The following BPIFB6 variants were observed in gnomAD, a reference collection of about 807,000 sequenced individuals.
BPIFB6 encodes the protein BPI fold-containing family B member 6.
Under a neutral mutation model 54.7 loss-of-function variants are expected in BPIFB6, and 47 were observed. The ratio of observed to expected loss-of-function variants is 0.86; its 90% CI spans 0.68 to 1.10. The LOEUF (loss-of-function observed/expected upper bound fraction) is 1.10. BPIFB6 is among the 50% of genes least tolerant of loss of function. The pLI is 0.00. For missense variants in BPIFB6, 603 were observed against 564.1 expected, an observed-to-expected ratio of 1.07 and a Z score of -0.70; for synonymous variants, 255 against 225.9, an observed-to-expected ratio of 1.13 and a Z score of -1.16.
rs202181196 is a variant in BPIFB6 at position 33,039,469 on chromosome 20, C to T, written c.1023C>T (p.Phe341=). The change falls in exon 10 of 15, where the codon TTC becomes TTT. Residue 341 remains phenylalanine (F), a synonymous_variant. Coordinates refer to ENST00000349552, the MANE Select transcript of BPIFB6 (RefSeq NM_174897.2). ...LLHLHSTLEM[F]AARWRSKAPM... is the part of the protein sequence containing the mutation. ...ACCTCCACAGCACCCTGGAGATGTT[C>T]GCAGCTCGGTGGCGGAGCAAGGCTC... The T allele has an allele frequency of 4.0e-5, 65 of 1,614,060 alleles. No homozygotes were observed. The East Asian group carries it at 1.1e-3, about 27-fold the overall frequency.
chr20:33,034,141 T>A (rs1170558878), intron 2 of BPIFB6, 45 bp from the exon 3 acceptor site: 2 of 1,438,016 alleles, frequency 1.4e-6, no homozygotes, highest in Non-Finnish European at 2.0e-6. Context: ...GTCCTGGGTC[T>A]TGCCTGCTCA....
intron 13 of BPIFB6, 138 bp downstream of exon 13, chr20:33,043,016 A>G: frequency 1.3e-6 from 1 of 782,852 alleles, no homozygotes; most frequent in South Asian, 1.7e-5. Context: ...TAATTGCTGA[A>G]TCTTTGAAGT....
intron 8 of BPIFB6, 29 bp from the exon 9 acceptor site, chr20:33,038,880 C>T (rs199780913): frequency 1.2e-6 from 2 of 1,612,774 alleles, no homozygotes; most frequent in African/African-American, 1.3e-5. Context: ...AGGACTCCAG[C>T]AACCCTAACC....
chr20:33,042,836 A>G lies in BPIFB6; in HGVS notation c.1210A>G (p.Ile404Val). 6.2e-7 allele frequency: 1 copy of G among 1,614,200 alleles called. No homozygotes were observed. Among genetic ancestry groups the G allele is most frequent in the Non-Finnish European group, 8.5e-7 (1 of 1,180,002 alleles). ...NFNERELTGF[I>V]TSYLEEAYIP... is the part of the protein sequence containing the mutation. ...CCAGGAGAGGGAATTAACTGGCTTC[A>G]TCACCAGCTATCTCGAAGAAGCCTA... Residue 404 changes from isoleucine to valine, a missense_variant, in exon 13 of 15, where the codon ATC becomes GTC. Ile to Val is a conservative substitution (Grantham distance 29, BLOSUM62 3). Transcript: ENST00000349552.
Position 33,037,566 on chromosome 20 carries a change from T to C in BPIFB6, c.674T>C (p.Val225Ala). 6.2e-7 allele frequency: 1 copy of C among 1,610,136 alleles called. No homozygotes were observed. The highest frequency in any genetic ancestry group is 8.5e-7 in the Non-Finnish European group (1 of 1,177,312). ...ASYIQLDFSP[V>A]VQQQKGKTIK... ...CTCCCTCCTGCTGCCCCATAGCCTGTGGTGCAGCAGCAAAAGGGCAAAACC... is the reference window on the plus strand; with the variant it reads ...CTCCCTCCTGCTGCCCCATAGCCTGCGGTGCAGCAGCAAAAGGGCAAAACC... The change falls in exon 8 of 15, where the codon GTG becomes GCG. Residue 225 changes from valine to alanine, a missense_variant. Transcript: ENST00000349552.
intron 14 of BPIFB6, 23 bp downstream of exon 14, chr20:33,043,390 G>A: frequency 6.2e-7 from 1 of 1,605,280 alleles, no homozygotes; most frequent in Non-Finnish European, 8.5e-7. Context: ...GCTAGGGGAG[G>A]TCATGTCAAT....
At chr20:33,036,610 G>A (rs1483836886) in intron 7 of BPIFB6, 74 bp downstream of exon 7, 20 of 1,380,752 alleles carry the variant, frequency 1.4e-5, no homozygotes, top group Non-Finnish European at 2.0e-5. Flanking sequence ...GCTTCTGCCA[G>A]GACAGGTGGC....
Position 33,034,133 on chromosome 20 carries a change from C to T in BPIFB6, c.198-53C>T, listed in dbSNP as rs79189292. ...GTAAAGTGGTGAAGTGGGTGGAGGTCCTGGGTCTTGCCTGCTCAGATCTTA... is the reference window on the plus strand; with the variant it reads ...GTAAAGTGGTGAAGTGGGTGGAGGTTCTGGGTCTTGCCTGCTCAGATCTTA... On this transcript the variant is annotated intron_variant, in intron 2 of 14. Coordinates refer to ENST00000349552, the MANE Select transcript of BPIFB6 (RefSeq NM_174897.2). 7 of 1,331,016 alleles carry T rather than the reference C, an allele frequency of 5.3e-6. 1 individual carries two copies. In the South Asian group the frequency reaches 8.2e-5, roughly 16 times the overall value. The allele number at this position is 1,331,016 out of a possible 1,614,324, so 82.5% of individuals were successfully genotyped here.
intron 11 of BPIFB6, 67 bp from the exon 12 acceptor site, chr20:33,041,903 G>A (rs371017349): frequency 1.1e-5 from 17 of 1,488,768 alleles, no homozygotes; most frequent in Admixed American, 8.4e-5. Flanking sequence ...CTTCTCCAGC[G>A]CCAGGGCCAC....
In BPIFB6 at chr20:33,032,978, C is replaced by T. The variant is rs1278541759; in HGVS notation, c.98-6C>T. The T allele has an allele frequency of 7.4e-6, 12 of 1,612,348 alleles. No homozygotes were observed. Among genetic ancestry groups the T allele is most frequent in the Non-Finnish European group, 1.0e-5 (12 of 1,178,576 alleles). On this transcript the variant is annotated splice_region_variant and splice_polypyrimidine_tract_variant and intron_variant, in intron 1 of 14. Transcript: ENST00000349552. ...AAATCTCTCCAACTAAGTGTCTCCA[C>T]TCCAGAGGTCCAGAGCGCCATGGAT...
Position 33,035,117 on chromosome 20 carries a change from C to T in BPIFB6, c.489C>T (p.Ser163=). The change falls in exon 5 of 15, where the codon AGC becomes AGT. Residue 163 remains serine (S), a synonymous_variant. Coordinates refer to ENST00000349552, the MANE Select transcript of BPIFB6 (RefSeq NM_174897.2). ...LPKMVNKFLD[S]TLHKVLPGLM... is the part of the protein sequence containing the mutation. ...AGATGGTCAACAAGTTCCTGGACAG[C>T]ACCCTGCACAAAGTCCTCCCTGGGC... 1 of 1,613,930 alleles carries T rather than the reference C, an allele frequency of 6.2e-7. No individual in the cohort carries two copies. The highest frequency in any genetic ancestry group is 1.1e-5 in the South Asian group (1 of 91,066).
At chr20:33,035,888 T>C (rs1979319281) in intron 6 of BPIFB6, among the ~76,000 whole-genome samples, 1 of 152,178 alleles carries the variant, frequency 6.6e-6, no homozygotes, top group African/African-American at 2.4e-5. Context: ...TATTCAATAC[T>C]GCATCCTGAA....
chr20:33,036,773 T>G (rs1035714371), intron 7 of BPIFB6, among the ~76,000 whole-genome samples: 1 of 152,188 alleles, frequency 6.6e-6, no homozygotes, highest in Non-Finnish European at 1.5e-5. Flanking sequence ...TTCACACTCA[T>G]GATCCCCGCT....
chr20:33,032,786 C>A (rs370437691), intron 1 of BPIFB6, among the ~76,000 whole-genome samples, 198 bp from the exon 2 acceptor site: 123 of 152,310 alleles, frequency 8.1e-4, no homozygotes, highest in African/African-American at 2.9e-3. Flanking sequence ...CTACCTAAAC[C>A]CTCGTGCGGC....
chr20:33,040,367 GC>G, intron 11 of BPIFB6, 49 bp downstream of exon 11: 1 of 1,577,324 alleles, frequency 6.3e-7, no homozygotes, highest in Non-Finnish European at 8.7e-7. Flanking sequence ...TTCACATTTG[GC>G]CTTCTGATCT....
In BPIFB6 at chr20:33,034,290, G is replaced by A. The variant is rs1410250955; in HGVS notation, c.302G>A (p.Ser101Asn). ...ACAGGCATGACCGTCACTGGCAAGA[G>A]GTGAGTGTGGCAGGGGAGGGGCAGC... ...VSTGMTVTGK[S>N]FMGGNMEIIV... Residue 101 changes from serine to asparagine, a missense_variant and splice_region_variant, in exon 3 of 15, where the codon AGC becomes AAC. Physicochemically the swap from Ser to Asn is conservative, Grantham distance 46. Coordinates refer to ENST00000349552, the MANE Select transcript of BPIFB6 (RefSeq NM_174897.2). 9.3e-6 allele frequency: 15 copies of A among 1,608,136 alleles called. No individual in the cohort carries two copies. Among genetic ancestry groups the A allele is most frequent in the Non-Finnish European group, 1.2e-5 (14 of 1,174,614 alleles).
In BPIFB6 at chr20:33,034,851, G is replaced by T. The variant is rs144882396; in HGVS notation, c.391G>T (p.Val131Leu). The T allele has an allele frequency of 1.2e-6, 2 of 1,613,762 alleles. No homozygotes were observed. The highest frequency in any genetic ancestry group is 2.2e-5 in the East Asian group (1 of 44,866). Residue 131 changes from valine (V) to leucine (L), a missense_variant, in exon 4 of 15, where the codon GTG becomes TTG. By Grantham distance (32) the Val-to-Leu change is conservative. Coordinates refer to ENST00000349552, the MANE Select transcript of BPIFB6 (RefSeq NM_174897.2). ...GCGGGATGAGGAGACAGGCCTCCCCGTGTTCAAGAGTGAGGGCTGTGAGGT... is the reference window on the plus strand; with the variant it reads ...GCGGGATGAGGAGACAGGCCTCCCCTTGTTCAAGAGTGAGGGCTGTGAGGT... ...LLRDEETGLP[V>L]FKSEGCEVIL...
At position 33,039,472 on chromosome 20, in the gene BPIFB6, A is replaced by T. The variant is rs1979484371; in HGVS notation, c.1026A>T (p.Ala342=). ...TCCACAGCACCCTGGAGATGTTCGC[A>T]GCTCGGTGGCGGAGCAAGGCTCCAA... is the stretch of plus-strand genomic sequence containing the variant. ...LHLHSTLEMF[A]ARWRSKAPMS... The change falls in exon 10 of 15, where the codon GCA becomes GCT. Residue 342 remains alanine (A), a synonymous_variant. Coordinates refer to ENST00000349552, the MANE Select transcript of BPIFB6 (RefSeq NM_174897.2). 6 of 1,613,954 alleles carry T rather than the reference A, an allele frequency of 3.7e-6. No homozygotes were observed. In the East Asian group the frequency reaches 1.1e-4, roughly 30 times the overall value.
intron 2 of BPIFB6, chr20:33,033,729 A>G (rs866378155): frequency 7.9e-5 from 35 of 444,350 alleles, no homozygotes; most frequent in African/African-American, 6.0e-4. Flanking sequence ...CATTGTCACA[A>G]GTTGCGGGGA....
Sources: gnomAD v4.1 joint callset for allele counts (sites outside exome capture counted in the v4.1 genomes callset) on GRCh38, gnomAD v4.1.1 for gene constraint, MANE v1.5 for transcripts, NCBI Gene and HGNC (gene_info 2026-07-23, HGNC 2026-07-21) for gene names.